TMTC2: variants seen among roughly 807,000 people sequenced by gnomAD.
TMTC2 encodes the protein protein O-mannosyl-transferase TMTC2.
Under a neutral mutation model 82.4 loss-of-function variants are expected in TMTC2, and 43 were observed. The observed-to-expected ratio is 0.52, with a 90% confidence interval of 0.41 to 0.67. The LOEUF is 0.67. Among genes scored for constraint, TMTC2 ranks in the 30% least tolerant of loss-of-function variants. The pLI is 0.00. For synonymous variants in TMTC2, 408 were observed against 381.9 expected (o/e 1.07, Z -0.80); for missense variants, 919 against 1,012.4 (o/e 0.91, Z 1.25).
chr12:83,066,618 T>G (rs1043841430), intron 11 of TMTC2, among the ~76,000 whole-genome samples: 3 of 151,828 alleles, frequency 2.0e-5, no homozygotes, highest in Admixed American at 2.0e-4. Flanking sequence ...GAAAACTAAA[T>G]AAAAGGTCAT....
intron 3 of TMTC2, among the ~76,000 whole-genome samples, chr12:82,897,837 T>G (rs961020775): frequency 2.0e-5 from 3 of 152,106 alleles, no homozygotes; most frequent in African/African-American, 7.2e-5. Flanking sequence ...TTTTTATTCT[T>G]TAAATTATGT....
chr12:82,867,096 G>A (rs1871906541), intron 2 of TMTC2, among the ~76,000 whole-genome samples: 1 of 152,162 alleles, frequency 6.6e-6, no homozygotes, highest in Admixed American at 6.5e-5. Flanking sequence ...GAAGGTCAGT[G>A]TGCCCTTGTT....
At chr12:82,990,531 C>T (rs371702788) in intron 8 of TMTC2, among the ~76,000 whole-genome samples, 6 of 152,194 alleles carry the variant, frequency 3.9e-5, no homozygotes, top group African/African-American at 1.4e-4. Flanking sequence ...TCCGTGAAGT[C>T]TTGCCTGACT....
chr12:82,791,709 T>A (rs1878478658), intron 1 of TMTC2, among the ~76,000 whole-genome samples: 1 of 152,104 alleles, frequency 6.6e-6, no homozygotes, highest in South Asian at 2.1e-4. Flanking sequence ...TTGGTAAATG[T>A]TTAGTAATGT....
At chr12:82,970,117 T>A (rs1475162994) in intron 7 of TMTC2, among the ~76,000 whole-genome samples, 1 of 152,210 alleles carries the variant, frequency 6.6e-6, no homozygotes, top group African/African-American at 2.4e-5. Flanking sequence ...TCAGATACCC[T>A]CGGTTCAAAT....
chr12:83,104,679 C>G (rs1403297033), intron 11 of TMTC2, among the ~76,000 whole-genome samples: 1 of 152,158 alleles, frequency 6.6e-6, no homozygotes, highest in Non-Finnish European at 1.5e-5. Context: ...AATTATGAGC[C>G]TGTGGTGAGA....
At chr12:82,691,248 T>C (rs1872562616) in intron 1 of TMTC2, among the ~76,000 whole-genome samples, 1 of 152,224 alleles carries the variant, frequency 6.6e-6, no homozygotes, top group South Asian at 2.1e-4. Flanking sequence ...TATTTTCTTA[T>C]TGCCCATTTT....
At chr12:82,864,751 T>G (rs1871747507) in intron 2 of TMTC2, among the ~76,000 whole-genome samples, 1 of 151,650 alleles carries the variant, frequency 6.6e-6, no homozygotes, top group Admixed American at 6.6e-5. Flanking sequence ...TCCGCCCGCC[T>G]TGGCCTCCCA....
intron 11 of TMTC2, among the ~76,000 whole-genome samples, chr12:83,075,344 C>T (rs892800419): frequency 1.3e-5 from 2 of 152,152 alleles, no homozygotes; most frequent in African/African-American, 4.8e-5. Flanking sequence ...CAAACCTCCG[C>T]AAGCTGCTCT....
At chr12:82,871,023 C>G (rs1360288933) in intron 2 of TMTC2, among the ~76,000 whole-genome samples, 1 of 152,206 alleles carries the variant, frequency 6.6e-6, no homozygotes, top group Non-Finnish European at 1.5e-5. Context: ...AGAGAAATAA[C>G]CCATCTGAAT....
chr12:82,899,644 T>TGTGGA (rs1873871178), intron 3 of TMTC2, among the ~76,000 whole-genome samples: 1 of 135,042 alleles, frequency 7.4e-6, no homozygotes, highest in African/African-American at 3.0e-5. Flanking sequence ...GGAATATATA[T>TGTGGA]ATATAAGAAT....
In TMTC2 at chr12:82,764,454, A is replaced by G. The variant is rs1274461218; in HGVS notation, c.83+76785A>G. Among the ~76,000 whole-genome samples the G allele has an allele frequency of 3.3e-5, 5 of 152,016 alleles. No individual in the cohort carries two copies. In the East Asian group the frequency reaches 9.7e-4, roughly 29 times the overall value. On this transcript the variant is annotated intron_variant, in intron 1 of 11. Transcript: ENST00000321196. ...TGCCTGGCCTATACACTTTTTTTTA[A>G]TGGAGGCTTTCTGTTAAAGTCAGCA... is the stretch of plus-strand genomic sequence containing the variant.
chr12:82,765,399 G>A (rs1474601215), intron 1 of TMTC2, among the ~76,000 whole-genome samples: 2 of 152,100 alleles, frequency 1.3e-5, no homozygotes, highest in African/African-American at 4.8e-5. Flanking sequence ...TGCTGGCCGG[G>A]CGCGGCAGCT....
At chr12:83,121,474 G>A (rs1884945132) in intron 11 of TMTC2, among the ~76,000 whole-genome samples, 2 of 152,082 alleles carry the variant, frequency 1.3e-5, no homozygotes, top group South Asian at 4.1e-4. Context: ...CTGGTACTGA[G>A]GGCTGTTTGC....
chr12:82,971,218 A>ATTTTTTTTTTTTTTTTTTTTTTTTTTTT (rs1878431707), intron 7 of TMTC2, among the ~76,000 whole-genome samples: 1 of 151,644 alleles, frequency 6.6e-6, no homozygotes, highest in African/African-American at 2.4e-5. Context: ...TAGTTTCTTG[A>ATTTTTTTTTTTTTTTTTTTTTTTTTTTT]CTTGAATCCA....
At chr12:82,802,857 G>C (rs1156229954) in intron 1 of TMTC2, among the ~76,000 whole-genome samples, 1 of 152,122 alleles carries the variant, frequency 6.6e-6, no homozygotes, top group East Asian at 1.9e-4. Flanking sequence ...AGGCTAGTCT[G>C]GTAGCATAGG....
At chr12:83,006,451 T>C (rs1324915302) in intron 8 of TMTC2, among the ~76,000 whole-genome samples, 1 of 152,216 alleles carries the variant, frequency 6.6e-6, no homozygotes, top group Non-Finnish European at 1.5e-5. Flanking sequence ...ATTTTTGTTA[T>C]TCGAATCTTC....
chr12:82,827,561 C>T lies in TMTC2; in HGVS notation c.84-29449C>T, dbSNP rs115669573. The stretch of plus-strand genomic sequence containing the variant: ...CCTAGTATATTGTGAAAGAGTAGAT[C>T]GAAGATCTAGAGTTTTAAAGAAGCT... On this transcript the variant is annotated intron_variant, in intron 1 of 11. Transcript: ENST00000321196. 5.1e-3 allele frequency among the ~76,000 whole-genome samples: 771 copies of T among 152,242 alleles called. 9 individuals are homozygous for T. The highest frequency in any genetic ancestry group is 0.018 in the African/African-American group (733 of 41,542).
chr12:83,023,173 T>A (rs1881010589), intron 8 of TMTC2, among the ~76,000 whole-genome samples: 3 of 152,202 alleles, frequency 2.0e-5, no homozygotes, highest in South Asian at 2.1e-4. Flanking sequence ...CACCTGTTTT[T>A]ATGAACCCTC....
Sources: gnomAD v4.1 joint callset for allele counts (sites outside exome capture counted in the v4.1 genomes callset) on GRCh38, gnomAD v4.1.1 for gene constraint, MANE v1.5 for transcripts, NCBI Gene and HGNC (gene_info 2026-07-23, HGNC 2026-07-21) for gene names.